Variants in TMEM178B observed in about 807,000 individuals in gnomAD.
TMEM178B encodes the protein transmembrane protein 178B.
In TMEM178B, 5 loss-of-function variants were observed where a neutral mutation model predicts 31.0. The observed-to-expected ratio is 0.16, with a 90% CI of 0.08 to 0.34. The LOEUF (loss-of-function observed/expected upper bound fraction) is 0.34. Among genes scored for constraint, TMEM178B ranks in the 10% least tolerant of loss-of-function variants. The pLI is 1.00. For synonymous variants in TMEM178B, 164 were observed against 164.0 expected, an observed-to-expected ratio of 1.00 and a Z score of 0.00; for missense variants, 275 against 400.3, an observed-to-expected ratio of 0.69 and a Z score of 2.67.
chr7:141,290,690 C>T (rs896832977), intron 2 of TMEM178B, among the ~76,000 whole-genome samples: 1 of 152,226 alleles, frequency 6.6e-6, no homozygotes, highest in South Asian at 2.1e-4. Context: ...TCACATCACC[C>T]CACCCACAAG....
At chr7:141,505,412 C>T in the TMEM178B span, among the ~76,000 whole-genome samples, 1 of 152,228 alleles carries the variant, frequency 6.6e-6, no homozygotes, top group Non-Finnish European at 1.5e-5. Flanking sequence ...CTCCCCTGCT[C>T]ATTATTATCT....
rs867765675 is a variant in TMEM178B at position 141,343,358 on chromosome 7, G to C, written c.497-94250G>C. ...CCTAGCCAGATTATGAGTTTCCAAA[G>C]CCAGAGAGGCCTGTGGGGTGGCACT... On this transcript the variant is annotated intron_variant, in intron 2 of 3. Transcript: ENST00000565468. Among the ~76,000 whole-genome samples the C allele has an allele frequency of 6.6e-5, 10 of 152,186 alleles. 1 individual carries two copies. The South Asian group carries it at 1.5e-3, about 22-fold the overall frequency.
chr7:141,229,013 C>CTT (rs3035763), intron 2 of TMEM178B, among the ~76,000 whole-genome samples: 5 of 80,570 alleles, frequency 6.2e-5, no homozygotes, highest in Admixed American at 2.7e-4. Context: ...TCAGTACTAT[C>CTT]TTTTTTTTTT....
At chr7:141,455,692 A>G (rs893707430) in intron 3 of TMEM178B, among the ~76,000 whole-genome samples, 1 of 152,284 alleles carries the variant, frequency 6.6e-6, no homozygotes, top group African/African-American at 2.4e-5. Context: ...AACAATGTCT[A>G]TCATATTATA....
chr7:141,265,710 G>A (rs1798085177), intron 2 of TMEM178B, among the ~76,000 whole-genome samples: 1 of 152,174 alleles, frequency 6.6e-6, no homozygotes, highest in Admixed American at 6.5e-5. Context: ...AGCAGAATCA[G>A]CTTTTCCACC....
At chr7:141,383,778 T>A (rs1213119212) in intron 2 of TMEM178B, among the ~76,000 whole-genome samples, 2 of 152,184 alleles carry the variant, frequency 1.3e-5, no homozygotes, top group Non-Finnish European at 2.9e-5. Flanking sequence ...TTCTAGATCC[T>A]TGAGGAATCA....
chr7:141,247,360 C>T (rs1231754301), intron 2 of TMEM178B, among the ~76,000 whole-genome samples: 3 of 151,976 alleles, frequency 2.0e-5, no homozygotes, highest in Non-Finnish European at 4.4e-5. Flanking sequence ...ATATAAGCTT[C>T]CTGGAAAATA....
chr7:141,157,966 C>T (rs892780029), intron 1 of TMEM178B, among the ~76,000 whole-genome samples: 35 of 152,154 alleles, frequency 2.3e-4, no homozygotes, highest in Non-Finnish European at 4.7e-4. Flanking sequence ...CTTTTCCTCT[C>T]CTCTCTGCCC....
intron 1 of TMEM178B, among the ~76,000 whole-genome samples, chr7:141,206,754 G>A (rs1012793827): frequency 1.3e-5 from 2 of 152,118 alleles, no homozygotes; most frequent in Admixed American, 1.3e-4. Context: ...TCTGTGTTTA[G>A]CTTTGTAAAT....
At chr7:141,308,027 ACTTATTGTGT>A (rs979711611) in intron 2 of TMEM178B, among the ~76,000 whole-genome samples, 3 of 152,186 alleles carry the variant, frequency 2.0e-5, no homozygotes, top group African/African-American at 4.8e-5. Context: ...AGCACTTTTC[ACTTATTGTGT>A]CTTATTGTGT....
chr7:141,408,297 G>A (rs761098636), intron 2 of TMEM178B, among the ~76,000 whole-genome samples: 5 of 152,330 alleles, frequency 3.3e-5, no homozygotes, highest in Admixed American at 6.5e-5. Context: ...AGGCTTTGGG[G>A]TGGCTGGTTT....
At chr7:141,141,802 A>T (rs754858832) in intron 1 of TMEM178B, among the ~76,000 whole-genome samples, 1 of 152,254 alleles carries the variant, frequency 6.6e-6, no homozygotes, top group Non-Finnish European at 1.5e-5. Flanking sequence ...AGTATTAAAG[A>T]AAAGTTAGAC....
At chr7:141,204,754 C>T (rs1188061137) in intron 1 of TMEM178B, among the ~76,000 whole-genome samples, 1 of 152,200 alleles carries the variant, frequency 6.6e-6, no homozygotes, top group African/African-American at 2.4e-5. Flanking sequence ...CTATTTTTCA[C>T]TCATCCAAAT....
chr7:141,281,245 G>A (rs1798354120), intron 2 of TMEM178B, among the ~76,000 whole-genome samples: 1 of 152,240 alleles, frequency 6.6e-6, no homozygotes, highest in African/African-American at 2.4e-5. Context: ...ATCACGGAGT[G>A]GAATTTAAAT....
At chr7:141,368,523 A>G (rs919793409) in intron 2 of TMEM178B, among the ~76,000 whole-genome samples, 1 of 152,212 alleles carries the variant, frequency 6.6e-6, no homozygotes, top group African/African-American at 2.4e-5. Context: ...ACATTATATC[A>G]CAAAAATTTT....
chr7:141,393,486 G>A (rs1800582134), intron 2 of TMEM178B, among the ~76,000 whole-genome samples: 1 of 152,200 alleles, frequency 6.6e-6, no homozygotes, highest in Admixed American at 6.5e-5. Flanking sequence ...CAGGAAAGAA[G>A]GAGGCATGGC....
chr7:141,156,422 C>G (rs1476865247), intron 1 of TMEM178B, among the ~76,000 whole-genome samples: 1 of 152,160 alleles, frequency 6.6e-6, no homozygotes, highest in Admixed American at 6.5e-5. Context: ...TGCAAAGTCC[C>G]TTGGGAAAAA....
chr7:141,216,457 G>A (rs73737716), intron 2 of TMEM178B, among the ~76,000 whole-genome samples: 108 of 32,240 alleles, frequency 3.3e-3, no homozygotes, highest in African/African-American at 4.4e-3. Context: ...GTGCGCGCGC[G>A]CGCGCGTGTG....
At chr7:141,216,023 A>T (rs1017913488) in intron 2 of TMEM178B, among the ~76,000 whole-genome samples, 6 of 147,072 alleles carry the variant, frequency 4.1e-5, no homozygotes, top group African/African-American at 1.3e-4. Context: ...TAGAGACCGG[A>T]TTTCACCATG....
Sources: allele counts gnomAD v4.1 joint callset (sites outside exome capture counted in the v4.1 genomes callset), GRCh38; gene constraint gnomAD v4.1.1; transcripts MANE v1.5; gene names NCBI Gene and HGNC (gene_info 2026-07-23, HGNC 2026-07-21).